Variants in SOCS2 observed in about 807,000 individuals in gnomAD.
SOCS2 encodes the protein suppressor of cytokine signaling 2, also known as CIS-2.
SOCS2 carries 10 observed loss-of-function variants against 18.6 expected under a neutral mutation model. That is an observed-to-expected ratio of 0.54 (90% CI 0.33 to 0.91). The LOEUF (loss-of-function observed/expected upper bound fraction) is 0.91. Ranked by LOEUF, SOCS2 falls within the 40% of genes least tolerant of loss-of-function variation. The probability of loss-of-function intolerance (pLI) is 0.02; values close to 1 mark genes in which losing one functional copy is unlikely to be tolerated. For missense variants in SOCS2, 231 were observed against 247.2 expected, an observed-to-expected ratio of 0.93 and a Z score of 0.44; for synonymous variants, 104 against 104.0, an observed-to-expected ratio of 1.00 and a Z score of 0.00.
upstream of SOCS2, chr12:93,571,025 C>T: frequency 6.5e-6 from 1 of 154,416 alleles, no homozygotes; most frequent in Middle Eastern, 5.4e-4. Context: ...CTCGCTGCTC[C>T]TGGGACCGAC....
chr12:93,573,405 C>T (rs1592826543), intron 1 of SOCS2: 1 of 431,630 alleles, frequency 2.3e-6, no homozygotes, highest in Non-Finnish European at 4.1e-6. Flanking sequence ...GTCGGTGCCG[C>T]GGGCCCCGCA....
At chr12:93,595,633 C>T in the SOCS2 span, among the ~76,000 whole-genome samples, 9 of 152,148 alleles carry the variant, frequency 5.9e-5, no homozygotes, top group Admixed American at 3.3e-4. Context: ...AAAGAAAAGA[C>T]GTGCTCTCCT....
At chr12:93,580,635 A>G (rs1323785496), downstream of SOCS2, among the ~76,000 whole-genome samples, 5 of 151,612 alleles carry the variant, frequency 3.3e-5, no homozygotes, top group East Asian at 3.9e-4. Flanking sequence ...AAAAAAAAAA[A>G]AAAAAGAAAA....
At chr12:93,623,766 G>A in the SOCS2 span, among the ~76,000 whole-genome samples, 9 of 151,872 alleles carry the variant, frequency 5.9e-5, no homozygotes, top group African/African-American at 2.2e-4. Context: ...GAGTGCAATC[G>A]CGATCTCAGC....
chr12:93,591,777 C>A, the SOCS2 span, among the ~76,000 whole-genome samples: 1 of 152,142 alleles, frequency 6.6e-6, no homozygotes, highest in Non-Finnish European at 1.5e-5. Context: ...ACTTTGGAAG[C>A]GCACCAGATG....
the SOCS2 span, among the ~76,000 whole-genome samples, chr12:93,617,066 T>C: frequency 2.6e-5 from 4 of 152,208 alleles, no homozygotes; most frequent in Non-Finnish European, 5.9e-5. Context: ...CTGGGCCGTG[T>C]CCATTGATGG....
chr12:93,624,464 A>C, the SOCS2 span, among the ~76,000 whole-genome samples: 6 of 151,868 alleles, frequency 4.0e-5, no homozygotes, highest in African/African-American at 1.2e-4. Context: ...CCCAGCTACT[A>C]GGGAGGCTGA....
downstream of SOCS2, among the ~76,000 whole-genome samples, chr12:93,579,192 C>G (rs1460895571): frequency 6.6e-6 from 1 of 152,192 alleles, no homozygotes; most frequent in East Asian, 1.9e-4. Flanking sequence ...TTGCTTTTGC[C>G]CATTCATGGG....
At chr12:93,604,382 A>T in the SOCS2 span, among the ~76,000 whole-genome samples, 1 of 152,308 alleles carries the variant, frequency 6.6e-6, no homozygotes, top group South Asian at 2.1e-4. Context: ...ACCAAGCAGA[A>T]ATGATTCATT....
the SOCS2 span, among the ~76,000 whole-genome samples, chr12:93,598,363 G>T: frequency 6.6e-6 from 1 of 152,134 alleles, no homozygotes; most frequent in Non-Finnish European, 1.5e-5. Context: ...GGGAGATTAG[G>T]AAGGACCAAA....
chr12:93,585,226 G>T (rs367700135), downstream of SOCS2, among the ~76,000 whole-genome samples: 2 of 151,816 alleles, frequency 1.3e-5, no homozygotes, highest in African/African-American at 4.8e-5. Flanking sequence ...CCAAACTCTC[G>T]GTGGCTTAAA....
chr12:93,606,258 A>C, the SOCS2 span, among the ~76,000 whole-genome samples: 1 of 152,160 alleles, frequency 6.6e-6, no homozygotes, highest in Non-Finnish European at 1.5e-5. Context: ...GCAGCCATAA[A>C]AATTGGGGTT....
chr12:93,593,106 C>A, the SOCS2 span, among the ~76,000 whole-genome samples: 1 of 152,160 alleles, frequency 6.6e-6, no homozygotes. Flanking sequence ...TTATCCTCTG[C>A]ACCCACTCCT....
the SOCS2 span, among the ~76,000 whole-genome samples, chr12:93,605,292 A>T: frequency 6.6e-6 from 1 of 152,208 alleles, no homozygotes; most frequent in Non-Finnish European, 1.5e-5. Flanking sequence ...AACGTATATA[A>T]GATAAGAAAT....
At chr12:93,582,161 G>C (rs1476867322) in intron 1 of SOCS2, among the ~76,000 whole-genome samples, 3 of 152,200 alleles carry the variant, frequency 2.0e-5, no homozygotes, top group African/African-American at 7.2e-5. Flanking sequence ...TCTTGTGTCT[G>C]AGTGTTAATA....
the SOCS2 span, among the ~76,000 whole-genome samples, chr12:93,600,625 T>C: frequency 6.6e-6 from 1 of 152,086 alleles, no homozygotes; most frequent in Non-Finnish European, 1.5e-5. Context: ...ATCCTTTCAT[T>C]TATAGAGATT....
At chr12:93,614,604 T>TTTCC in the SOCS2 span, among the ~76,000 whole-genome samples, 1 of 123,422 alleles carries the variant, frequency 8.1e-6, no homozygotes, top group Non-Finnish European at 1.6e-5. Flanking sequence ...TCTTTCTTTC[T>TTTCC]TTCTTTCTTT....
the SOCS2 span, among the ~76,000 whole-genome samples, chr12:93,590,979 T>C: frequency 6.6e-6 from 1 of 151,984 alleles, no homozygotes; most frequent in Non-Finnish European, 1.5e-5. Context: ...GGCTTTTCCC[T>C]TAACACTAAT....
chr12:93,617,351 C>G, the SOCS2 span, among the ~76,000 whole-genome samples: 1 of 152,110 alleles, frequency 6.6e-6, no homozygotes, highest in Non-Finnish European at 1.5e-5. Context: ...GGAGTAGTGA[C>G]TTGGAGAGGA....
Sources: gnomAD v4.1 joint callset for allele counts (sites outside exome capture counted in the v4.1 genomes callset) on GRCh38, gnomAD v4.1.1 for gene constraint, MANE v1.5 for transcripts, NCBI Gene and HGNC (gene_info 2026-07-23, HGNC 2026-07-21) for gene names.